Variants in PHACTR1 observed in about 807,000 individuals in gnomAD.
PHACTR1 encodes RPEL repeat containing 1.
Under a neutral mutation model 69.2 loss-of-function variants are expected in PHACTR1, and 16 were observed. That is an observed-to-expected ratio of 0.23 (90% CI 0.16 to 0.35). PHACTR1 has a LOEUF of 0.35. Ranked by LOEUF, PHACTR1 falls within the 10% of genes least tolerant of loss-of-function variation. The pLI is 1.00. For missense variants in PHACTR1, 510 were observed against 734.7 expected (o/e 0.69, Z 3.54); for synonymous variants, 312 against 284.5 (o/e 1.10, Z -0.97).
At chr6:13,231,574 C>T (rs1362735047) in intron 10 of PHACTR1, among the ~76,000 whole-genome samples, 2 of 152,158 alleles carry the variant, frequency 1.3e-5, no homozygotes, top group Non-Finnish European at 2.9e-5. Flanking sequence ...AGCAATCAGA[C>T]AAACACACTC....
At position 13,232,480 on chromosome 6, in the gene PHACTR1, C is replaced by T. The variant is rs116686896; in HGVS notation, c.1391+2287C>T. Among the ~76,000 whole-genome samples the T allele has an allele frequency of 2.9e-3, 439 of 152,330 alleles. 3 individuals are homozygous for T. Among genetic ancestry groups the T allele is most frequent in the African/African-American group, 9.9e-3 (411 of 41,568 alleles). ...CCACACACACATACATACTTTCTGT[C>T]ATTGACTGAAGTAACATGGCCTTCT... is the stretch of plus-strand genomic sequence containing the variant. On this transcript the variant is annotated intron_variant, in intron 10 of 14. Coordinates refer to ENST00000332995, the MANE Select transcript of PHACTR1 (RefSeq NM_030948.6).
rs114072119 is a variant in PHACTR1, at chr6:12,954,675, C to T, written c.251-98690C>T. Among the ~76,000 whole-genome samples, 581 of 152,284 alleles carry T rather than the reference C, an allele frequency of 3.8e-3. 6 individuals carry two copies. The highest frequency in any genetic ancestry group is 0.014 in the African/African-American group (564 of 41,570). Reference sequence around the variant, plus strand: ...AACCTGAGATTGATGTTTTAATGTTCATGATCCTCTAGTGGCAAGAAAGAA... The same window carrying T: ...AACCTGAGATTGATGTTTTAATGTTTATGATCCTCTAGTGGCAAGAAAGAA... On this transcript the variant is annotated intron_variant, in intron 4 of 14. Coordinates refer to ENST00000332995, the MANE Select transcript of PHACTR1 (RefSeq NM_030948.6).
At chr6:13,198,934 G>C (rs1764807371) in intron 7 of PHACTR1, among the ~76,000 whole-genome samples, 1 of 152,176 alleles carries the variant, frequency 6.6e-6, no homozygotes, top group African/African-American at 2.4e-5. Flanking sequence ...GCAGCACCAG[G>C]TGTCATTTCC....
At chr6:12,767,239 G>A (rs936677745) in intron 4 of PHACTR1, among the ~76,000 whole-genome samples, 1 of 152,180 alleles carries the variant, frequency 6.6e-6, no homozygotes, top group East Asian at 1.9e-4. Flanking sequence ...TGCCCCCACA[G>A]AAGGCTTGCC....
At chr6:13,126,063 A>G (rs1196483519) in intron 5 of PHACTR1, among the ~76,000 whole-genome samples, 1 of 152,242 alleles carries the variant, frequency 6.6e-6, no homozygotes, top group Non-Finnish European at 1.5e-5. Context: ...AATAATATTT[A>G]AAAACATTTA....
intron 4 of PHACTR1, among the ~76,000 whole-genome samples, chr6:12,856,728 G>A (rs998538006): frequency 2.0e-5 from 3 of 152,182 alleles, no homozygotes; most frequent in East Asian, 3.8e-4. Flanking sequence ...TCCCTGATCG[G>A]CTGTTCACTC....
intron 5 of PHACTR1, among the ~76,000 whole-genome samples, chr6:13,072,176 C>T (rs985914903): frequency 6.6e-6 from 1 of 152,158 alleles, no homozygotes; most frequent in African/African-American, 2.4e-5. Flanking sequence ...AATAACGTGC[C>T]ATTCCCCAGT....
At chr6:12,982,904 T>A (rs1360322352) in intron 4 of PHACTR1, among the ~76,000 whole-genome samples, 1 of 152,230 alleles carries the variant, frequency 6.6e-6, no homozygotes, top group Non-Finnish European at 1.5e-5. Flanking sequence ...ACTATGCAAT[T>A]AGAGATGTTA....
intron 4 of PHACTR1, among the ~76,000 whole-genome samples, chr6:13,019,070 A>ATTTTTTTT (rs10635069): frequency 1.4e-5 from 2 of 142,680 alleles, no homozygotes; most frequent in Non-Finnish European, 3.0e-5. Flanking sequence ...ATATATATAT[A>ATTTTTTTT]TATATTTTTT....
At chr6:12,720,082 GAA>G (rs1388387024) in intron 3 of PHACTR1, among the ~76,000 whole-genome samples, 3 of 152,208 alleles carry the variant, frequency 2.0e-5, no homozygotes, top group Non-Finnish European at 4.4e-5. Flanking sequence ...AGTGAAGAAG[GAA>G]AAGAGTGAGA....
chr6:12,975,689 C>T (rs1794791126), intron 4 of PHACTR1, among the ~76,000 whole-genome samples: 1 of 152,198 alleles, frequency 6.6e-6, no homozygotes, highest in African/African-American at 2.4e-5. Flanking sequence ...TCAAGCAACC[C>T]TCCCACCCCA....
At chr6:12,756,668 A>C (rs1011735343) in intron 4 of PHACTR1, among the ~76,000 whole-genome samples, 1 of 152,234 alleles carries the variant, frequency 6.6e-6, no homozygotes, top group African/African-American at 2.4e-5. Context: ...TTAAACTAGC[A>C]ATTCAGCAGC....
chr6:12,767,964 T>C lies in PHACTR1; in HGVS notation c.250+18174T>C, dbSNP rs369544335. On this transcript the variant is annotated intron_variant, in intron 4 of 14. Transcript: ENST00000332995. The stretch of plus-strand genomic sequence containing the variant: ...GCATAATGGGCTTGGCGTTTTTCTT[T>C]GATGTAGAAAGTGAGACCTGGCGCA... Among the ~76,000 whole-genome samples the C allele has an allele frequency of 3.3e-5, 5 of 152,338 alleles. No homozygotes were observed. In the South Asian group the frequency reaches 6.2e-4, roughly 19 times the overall value.
intron 4 of PHACTR1, among the ~76,000 whole-genome samples, chr6:12,921,874 A>C (rs1177528157): frequency 2.9e-5 from 2 of 68,274 alleles, no homozygotes; most frequent in South Asian, 1.0e-3. Flanking sequence ...AGGCTGGTCC[A>C]TGCATTGCTG....
At chr6:13,242,992 T>G (rs1480809250) in intron 10 of PHACTR1, among the ~76,000 whole-genome samples, 1 of 152,228 alleles carries the variant, frequency 6.6e-6, no homozygotes, top group Non-Finnish European at 1.5e-5. Context: ...TGCTTTCAAC[T>G]GGAAAAGACA....
chr6:12,977,943 T>TA (rs1185302084), intron 4 of PHACTR1, among the ~76,000 whole-genome samples: 1 of 152,176 alleles, frequency 6.6e-6, no homozygotes, highest in Non-Finnish European at 1.5e-5. Context: ...AATATAGAAA[T>TA]ATCTGATTTT....
chr6:12,918,353 A>T (rs909494112), intron 4 of PHACTR1, among the ~76,000 whole-genome samples: 1 of 152,224 alleles, frequency 6.6e-6, no homozygotes, highest in African/African-American at 2.4e-5. Context: ...GTTAATTTTT[A>T]TGCTGTAGCC....
chr6:13,097,706 G>GC (rs1344694549), intron 5 of PHACTR1, among the ~76,000 whole-genome samples: 1 of 152,080 alleles, frequency 6.6e-6, no homozygotes, highest in Non-Finnish European at 1.5e-5. Context: ...TACCACTTTA[G>GC]CCATCCTATT....
chr6:12,879,288 T>C (rs564776354), intron 4 of PHACTR1, among the ~76,000 whole-genome samples: 3 of 152,314 alleles, frequency 2.0e-5, no homozygotes, highest in Admixed American at 6.5e-5. Context: ...CATGGGTCTG[T>C]CTTGCCCAGT....
Sources: allele counts gnomAD v4.1 joint callset (sites outside exome capture counted in the v4.1 genomes callset), GRCh38; gene constraint gnomAD v4.1.1; transcripts MANE v1.5; gene names NCBI Gene and HGNC (gene_info 2026-07-23, HGNC 2026-07-21).